ADCY1: variants seen among roughly 807,000 people sequenced by gnomAD.
The protein encoded by ADCY1 is adenylate cyclase 1.
Under a neutral mutation model 105.4 loss-of-function variants are expected in ADCY1, and 28 were observed. That is an observed-to-expected ratio of 0.27 (90% CI 0.20 to 0.36). ADCY1 has a LOEUF of 0.36. Ranked by LOEUF, ADCY1 falls within the 10% of genes least tolerant of loss-of-function variation. The probability of loss-of-function intolerance (pLI) is 1.00; values close to 1 mark genes in which losing one functional copy is unlikely to be tolerated. For missense variants in ADCY1, 977 were observed against 1,434.2 expected (o/e 0.68, Z 5.15); for synonymous variants, 655 against 623.8 (o/e 1.05, Z -0.75).
chr7:45,689,915 A>C (rs1784755657), intron 14 of ADCY1, among the ~76,000 whole-genome samples: 1 of 152,252 alleles, frequency 6.6e-6, no homozygotes, highest in Admixed American at 6.5e-5. Context: ...GGAATTCTTC[A>C]GCAAAAACTG....
At chr7:45,590,563 C>G (rs1792883047) in intron 1 of ADCY1, among the ~76,000 whole-genome samples, 1 of 152,104 alleles carries the variant, frequency 6.6e-6, no homozygotes, top group South Asian at 2.1e-4. Context: ...CTGAACACAC[C>G]CTAACATGCT....
chr7:45,711,922 T>TATATTATATTAAATATATAAATAC (rs1323270214), intron 19 of ADCY1, among the ~76,000 whole-genome samples: 41 of 120,762 alleles, frequency 3.4e-4, no homozygotes, highest in African/African-American at 6.8e-4. Flanking sequence ...AAATATATTA[T>TATATTATATTAAATATATAAATAC]ATATTATATT....
chr7:45,681,629 T>A lies in ADCY1; in HGVS notation c.1983+1836T>A, dbSNP rs190160088. 2.5e-3 allele frequency among the ~76,000 whole-genome samples: 385 copies of A among 152,212 alleles called. 6 individuals carry two copies. Among genetic ancestry groups the A allele is most frequent in the East Asian group, 3.5e-3 (18 of 5,172 alleles). On this transcript the variant is annotated intron_variant, in intron 11 of 19. Coordinates refer to ENST00000297323, the MANE Select transcript of ADCY1 (RefSeq NM_021116.4). ...CAGCTCACAGCCAGTGTGTACTGGG[T>A]CAGGGTTTGATTGAATCACAAGTAT...
chr7:45,683,341 A>G (rs1468365941), intron 11 of ADCY1, among the ~76,000 whole-genome samples: 3 of 152,114 alleles, frequency 2.0e-5, no homozygotes, highest in Non-Finnish European at 4.4e-5. Flanking sequence ...ATATGACTAC[A>G]TCTCACCATT....
chr7:45,602,110 G>A (rs1352978710), intron 2 of ADCY1, among the ~76,000 whole-genome samples: 1 of 151,980 alleles, frequency 6.6e-6, no homozygotes, highest in African/African-American at 2.4e-5. Flanking sequence ...ACTGGAGGAG[G>A]CATTCAGGCA....
intron 14 of ADCY1, among the ~76,000 whole-genome samples, chr7:45,695,103 T>C (rs2471250): frequency 0.59 from 89,437 of 152,162 alleles, 27,052 homozygotes; most frequent in East Asian, 0.79. Flanking sequence ...TACATGCGGC[T>C]TGGAAACTCT....
Position 45,636,051 on chromosome 7 carries a change from T to A in ADCY1, c.1021-12619T>A, listed in dbSNP as rs187839356. Among the ~76,000 whole-genome samples, 151 of 152,218 alleles carry A rather than the reference T, an allele frequency of 9.9e-4. 2 individuals are homozygous for A. Among genetic ancestry groups the A allele is most frequent in the African/African-American group, 3.6e-3 (149 of 41,580 alleles). On this transcript the variant is annotated intron_variant, in intron 4 of 19. Transcript: ENST00000297323. ...GGTTATGTCTTCTTGATAAATTGAC[T>A]ATTTTATTATTAAGAAATGACCTTC... is the stretch of plus-strand genomic sequence containing the variant.
intron 1 of ADCY1, among the ~76,000 whole-genome samples, chr7:45,584,937 G>C (rs1792671866): frequency 6.6e-6 from 1 of 152,254 alleles, no homozygotes; most frequent in Non-Finnish European, 1.5e-5. Context: ...CCTGTGCCGG[G>C]AGTCAGGGCA....
chr7:45,657,608 A>T, intron 5 of ADCY1, 119 bp from the exon 6 acceptor site: 1 of 1,107,176 alleles, frequency 9.0e-7, no homozygotes, highest in Non-Finnish European at 1.3e-6. Context: ...CTCAGGCCAC[A>T]TGCAGCAAGG....
intron 1 of ADCY1, among the ~76,000 whole-genome samples, chr7:45,577,831 G>A (rs1792394523): frequency 6.6e-6 from 1 of 152,370 alleles, no homozygotes; most frequent in East Asian, 1.9e-4. Flanking sequence ...GGGCAAAGGA[G>A]CTCCCTCCCT....
chr7:45,663,938 T>C (rs926754231), intron 8 of ADCY1, among the ~76,000 whole-genome samples: 41 of 151,828 alleles, frequency 2.7e-4, no homozygotes, highest in African/African-American at 9.7e-5. Context: ...AGTCGTGCTG[T>C]TGCGGGGAGA....
At chr7:45,658,025 C>A in intron 6 of ADCY1, 140 bp downstream of exon 6, 1 of 994,346 alleles carries the variant, frequency 1.0e-6, no homozygotes, top group African/African-American at 1.6e-5. Flanking sequence ...CCTGTCCCAG[C>A]CGCACCTGCC....
rs956583500 is a variant in ADCY1, at chr7:45,718,869, GAGGAAGGCTCAGTGGGCTCAGCAGA to G, written c.*4885_*4909del. 3.9e-5 allele frequency: 6 copies of G among 153,018 alleles called. No individual in the cohort carries two copies. Among genetic ancestry groups the G allele is most frequent in the African/African-American group, 1.2e-4 (5 of 41,578 alleles). 9.5% of individuals were successfully genotyped at this position (153,018 alleles called of 1,614,324 possible). On this transcript the variant is annotated 3_prime_UTR_variant, in exon 20 of 20. Coordinates refer to ENST00000297323, the MANE Select transcript of ADCY1 (RefSeq NM_021116.4). Reference sequence around the variant, plus strand: ...CAGGATGGAGCCCAGGGTAGACTTTGAGGAAGGCTCAGTGGGCTCAGCAGAAGGAAGGCTCTTCTCATAGTTGTGG... The same window carrying G: ...CAGGATGGAGCCCAGGGTAGACTTTGAGGAAGGCTCTTCTCATAGTTGTGG...
intron 4 of ADCY1, among the ~76,000 whole-genome samples, chr7:45,634,628 G>A (rs772453448): frequency 3.3e-5 from 5 of 152,068 alleles, no homozygotes; most frequent in Non-Finnish European, 7.4e-5. Context: ...ATGATAGTTT[G>A]ACATATGCTG....
chr7:45,687,047 G>A (rs1193531868), intron 14 of ADCY1, among the ~76,000 whole-genome samples: 1 of 152,162 alleles, frequency 6.6e-6, no homozygotes, highest in African/African-American at 2.4e-5. Context: ...AGGTCTCATC[G>A]GGGTCATTGG....
At chr7:45,702,181 G>T (rs1406395733) in intron 14 of ADCY1, among the ~76,000 whole-genome samples, 2 of 152,220 alleles carry the variant, frequency 1.3e-5, no homozygotes, top group African/African-American at 4.8e-5. Context: ...TTCGTGGCCA[G>T]CTCAGCTCTG....
intron 6 of ADCY1, among the ~76,000 whole-genome samples, chr7:45,658,487 C>T (rs891350412): frequency 1.3e-5 from 2 of 152,188 alleles, no homozygotes; most frequent in Admixed American, 1.3e-4. Flanking sequence ...TGTATGATCT[C>T]GCAGTGGCTA....
chr7:45,582,539 T>A, intron 1 of ADCY1, among the ~76,000 whole-genome samples: 1 of 139,836 alleles, frequency 7.2e-6, no homozygotes, highest in African/African-American at 2.7e-5. Context: ...GCTGTGCCCC[T>A]CTCTAGTGCA....
At chr7:45,684,469 T>TA (rs1322570275) in intron 11 of ADCY1, 1 of 152,346 alleles carries the variant, frequency 6.6e-6, no homozygotes, top group Non-Finnish European at 1.5e-5. Context: ...GTGTTAAGTG[T>TA]AAAAAGGACT....
Sources: gnomAD v4.1 joint callset for allele counts (sites outside exome capture counted in the v4.1 genomes callset) on GRCh38, gnomAD v4.1.1 for gene constraint, MANE v1.5 for transcripts, NCBI Gene and HGNC (gene_info 2026-07-23, HGNC 2026-07-21) for gene names.